The following COL5A1 variants were observed in gnomAD, a reference collection of about 807,000 sequenced individuals.
The protein encoded by COL5A1 is collagen type V alpha 1 chain.
Under a neutral mutation model 263.7 loss-of-function variants are expected in COL5A1, and 16 were observed. The ratio of observed to expected loss-of-function variants is 0.06; its 90% CI spans 0.04 to 0.09. The LOEUF is 0.09. Ranked by LOEUF, COL5A1 falls within the 10% of genes least tolerant of loss-of-function variation. COL5A1 has a pLI of 1.00. For synonymous variants in COL5A1, 1,012 were observed against 1,004.5 expected, an observed-to-expected ratio of 1.01 and a Z score of -0.14; for missense variants, 2,036 against 2,540.5, an observed-to-expected ratio of 0.80 and a Z score of 4.27.
Position 134,818,911 on chromosome 9 carries a change from A to G in COL5A1, c.4392+10A>G. On this transcript the variant is annotated intron_variant, in intron 56 of 65. Transcript: ENST00000371817. The surrounding 1 kb of genome is among the most constrained non-coding windows in gnomAD (Gnocchi z 6.0). ...TCCCCCCGGCCCCATGGTGAGTCACATTCCTCATGGTGAGCATAGCGGGTG... is the reference window on the plus strand; with the variant it reads ...TCCCCCCGGCCCCATGGTGAGTCACGTTCCTCATGGTGAGCATAGCGGGTG... 6.2e-7 allele frequency: 1 copy of G among 1,613,178 alleles called. No homozygotes were observed. The highest frequency in any genetic ancestry group is 8.5e-7 in the Non-Finnish European group (1 of 1,179,836).
chr9:134,688,626 A>G (rs1833161800), intron 1 of COL5A1, among the ~76,000 whole-genome samples: 1 of 152,214 alleles, frequency 6.6e-6, no homozygotes, highest in Non-Finnish European at 1.5e-5. Context: ...AAAGCCACCC[A>G]GGAAAACAGA....
At position 134,810,141 on chromosome 9, in the gene COL5A1, G is replaced by T. The variant is rs1353275894; in HGVS notation, c.3475-114G>T. The stretch of plus-strand genomic sequence containing the variant: ...ACATTTATTCGTAGGAAAGTTTTAG[G>T]GCCACCTGGAAAGGACACTGTTCTT... On this transcript the variant is annotated intron_variant, in intron 43 of 65. Coordinates refer to ENST00000371817, the MANE Select transcript of COL5A1 (RefSeq NM_000093.5). The T allele has an allele frequency of 1.3e-5, 15 of 1,148,752 alleles. No individual in the cohort carries two copies. In the East Asian group the frequency reaches 1.9e-4, roughly 14 times the overall value. The allele number at this position is 1,148,752 out of a possible 1,614,324, so 71.2% of individuals were successfully genotyped here.
intron 26 of COL5A1, among the ~76,000 whole-genome samples, chr9:134,773,109 G>A (rs920413465): frequency 1.6e-4 from 24 of 152,264 alleles, no homozygotes; most frequent in Non-Finnish European, 3.4e-4. Context: ...CAGATGGGGT[G>A]TGGGCAGCAG....
At chr9:134,643,327 T>C (rs1831365849) in intron 1 of COL5A1, among the ~76,000 whole-genome samples, 1 of 152,092 alleles carries the variant, frequency 6.6e-6, no homozygotes, top group Non-Finnish European at 1.5e-5. Context: ...AGCTGTGTGC[T>C]GCCAGGTCAG....
At chr9:134,653,094 C>T (rs73556966) in intron 1 of COL5A1, 5,507 of 176,884 alleles carry the variant, frequency 0.031, 225 homozygotes, top group African/African-American at 0.095. Context: ...GCTGTTCCTC[C>T]ACCCATCTCA....
At chr9:134,787,959 TA>T (rs1372016839) in intron 31 of COL5A1, among the ~76,000 whole-genome samples, 4 of 151,984 alleles carry the variant, frequency 2.6e-5, no homozygotes, top group African/African-American at 9.7e-5. Context: ...ATTTATTGAG[TA>T]GAGAGGATGG....
chr9:134,677,047 A>G lies in COL5A1; in HGVS notation c.110-13865A>G, dbSNP rs985158171. On this transcript the variant is annotated intron_variant, in intron 1 of 65. Coordinates refer to ENST00000371817, the MANE Select transcript of COL5A1 (RefSeq NM_000093.5). The surrounding 1 kb of genome is among the most constrained non-coding windows in gnomAD (Gnocchi z 4.4). ...TGCCAGTCCTGGGCTTGGGGAGGCCATGGAGTGCTCTGGTTGTGGTTTGCT... is the reference window on the plus strand; with the variant it reads ...TGCCAGTCCTGGGCTTGGGGAGGCCGTGGAGTGCTCTGGTTGTGGTTTGCT... Among the ~76,000 whole-genome samples, 1 of 152,176 alleles carries G rather than the reference A, an allele frequency of 6.6e-6. No individual in the cohort carries two copies. Among genetic ancestry groups the G allele is most frequent in the Non-Finnish European group, 1.5e-5 (1 of 68,028 alleles).
At position 134,765,789 on chromosome 9, in the gene COL5A1, G is replaced by T; in HGVS notation, c.2088+55G>T. ...CCCCCATCTCGGCCTTTGAGACCCC[G>T]CCTCCCAGCCGGTGGACGCTTGGGC... On this transcript the variant is annotated intron_variant, in intron 21 of 65. Coordinates refer to ENST00000371817, the MANE Select transcript of COL5A1 (RefSeq NM_000093.5). This position sits in a 1 kb window ranked among gnomAD's most constrained non-coding sequence, Gnocchi z 5.1. 6.8e-7 allele frequency: 1 copy of T among 1,478,204 alleles called. No homozygotes were observed. Among genetic ancestry groups the T allele is most frequent in the Non-Finnish European group, 9.4e-7 (1 of 1,068,898 alleles). The allele number at this position is 1,478,204 out of a possible 1,614,324, so 91.6% of individuals were successfully genotyped here. A position where few individuals can be genotyped will look rare whatever the true frequency, so the allele number is the denominator to read the frequency against.
intron 25 of COL5A1, among the ~76,000 whole-genome samples, chr9:134,768,782 C>T (rs1836771081): frequency 6.6e-6 from 1 of 152,264 alleles, no homozygotes; most frequent in South Asian, 2.1e-4. Flanking sequence ...GGCTCCAGGC[C>T]ATCGCTTGCG....
At chr9:134,819,927 G>A (rs573757135) in intron 57 of COL5A1, among the ~76,000 whole-genome samples, 189 bp from the exon 58 acceptor site, 31 of 152,324 alleles carry the variant, frequency 2.0e-4, no homozygotes, top group African/African-American at 6.3e-4. Context: ...TGTGGCCAGC[G>A]AAGGGCCACC....
At chr9:134,760,663 A>C (rs1390861619) in intron 18 of COL5A1, among the ~76,000 whole-genome samples, 2 of 104,004 alleles carry the variant, frequency 1.9e-5, no homozygotes, top group Admixed American at 1.0e-4. Flanking sequence ...ACACACACAC[A>C]CCACACATGC....
intron 4 of COL5A1, among the ~76,000 whole-genome samples, chr9:134,713,879 G>T (rs566689126): frequency 6.6e-6 from 1 of 152,182 alleles, no homozygotes; most frequent in Non-Finnish European, 1.5e-5. Flanking sequence ...CCAGTGTGGG[G>T]TCTTGTCCAG....
intron 9 of COL5A1, among the ~76,000 whole-genome samples, chr9:134,734,215 C>A (rs984610871): frequency 6.6e-6 from 1 of 152,180 alleles, no homozygotes; most frequent in African/African-American, 2.4e-5. Flanking sequence ...GTCGAGGTGG[C>A]CCCACAGGAA....
At position 134,754,705 on chromosome 9, in the gene COL5A1, G is replaced by T. The variant is rs7046574; in HGVS notation, c.1827+379G>T. ...TGGCCTGATTCGGGGGCATGGGCGG[G>T]CCTTCCTGCGCCTTACCTGCTGTCT... On this transcript the variant is annotated intron_variant, in intron 16 of 65. Transcript: ENST00000371817. This position sits in a 1 kb window ranked among gnomAD's most constrained non-coding sequence, Gnocchi z 4.3. Among the ~76,000 whole-genome samples the T allele has an allele frequency of 8.2e-3, 1,251 of 152,324 alleles. 8 individuals are homozygous for T. The highest frequency in any genetic ancestry group is 0.02 in the Middle Eastern group (6 of 294).
chr9:134,657,525 G>A (rs1832049331), intron 1 of COL5A1, among the ~76,000 whole-genome samples: 1 of 84,858 alleles, frequency 1.2e-5, no homozygotes, highest in Non-Finnish European at 2.3e-5. Flanking sequence ...TAATATGGGG[G>A]TGGGGTGGGG....
chr9:134,827,454 C>T (rs917165207), intron 63 of COL5A1, among the ~76,000 whole-genome samples: 7 of 152,224 alleles, frequency 4.6e-5, no homozygotes, highest in African/African-American at 1.2e-4. Flanking sequence ...CCTTCCATCT[C>T]GGCTCTCGTT....
At chr9:134,732,195 T>C in intron 9 of COL5A1, 68 bp downstream of exon 9, 2 of 1,567,826 alleles carry the variant, frequency 1.3e-6, no homozygotes, top group Non-Finnish European at 1.8e-6. Flanking sequence ...GCGGGGTGTG[T>C]AGGGTGTGAA....
intron 64 of COL5A1, 142 bp downstream of exon 64, chr9:134,830,186 C>T: frequency 6.2e-7 from 1 of 1,605,358 alleles, no homozygotes; most frequent in Non-Finnish European, 8.5e-7. Flanking sequence ...GGTAAGTGGC[C>T]ACCTCGGCCC....
rs773758374 is a variant in COL5A1 at position 134,754,152 on chromosome 9, AC to A, written c.1774-120del. 39 of 1,088,540 alleles carry A rather than the reference AC, an allele frequency of 3.6e-5. No homozygotes were observed. The highest frequency in any genetic ancestry group is 5.4e-5 in the Non-Finnish European group (39 of 720,082). The allele number at this position is 1,088,540 out of a possible 1,614,324, so 67.4% of individuals were successfully genotyped here. A position where few individuals can be genotyped will look rare whatever the true frequency, so the allele number is the denominator to read the frequency against. ...TCCGTGTCCCGTCCCCGAAGTGCCC[AC>A]ATGTTTGTGGCTTGGACAGCCAGGC... On this transcript the variant is annotated intron_variant, in intron 15 of 65. Coordinates refer to ENST00000371817, the MANE Select transcript of COL5A1 (RefSeq NM_000093.5). This position sits in a 1 kb window ranked among gnomAD's most constrained non-coding sequence, Gnocchi z 4.3.
Sources: gnomAD v4.1 joint callset for allele counts (sites outside exome capture counted in the v4.1 genomes callset) on GRCh38, gnomAD v4.1.1 for gene constraint, Gnocchi (gnomAD v3.1) non-coding constraint, MANE v1.5 for transcripts, NCBI Gene and HGNC (gene_info 2026-07-23, HGNC 2026-07-21) for gene names.